The following LRRC69 variants were observed in gnomAD, a reference collection of about 807,000 sequenced individuals.
LRRC69 encodes leucine-rich repeat-containing protein 69.
Under a neutral mutation model 37.8 loss-of-function variants are expected in LRRC69, and 42 were observed. The ratio of observed to expected loss-of-function variants is 1.11; its 90% CI spans 0.87 to 1.44. The LOEUF (loss-of-function observed/expected upper bound fraction) is 1.44. LRRC69 is among the 40% of genes most tolerant of loss of function. The pLI is 0.00. For missense variants in LRRC69, 357 were observed against 401.9 expected (o/e 0.89, Z 0.96); for synonymous variants, 141 against 143.1 (o/e 0.99, Z 0.11).
chr8:91,134,130 G>C (rs552574747), intron 4 of LRRC69, among the ~76,000 whole-genome samples: 1 of 150,838 alleles, frequency 6.6e-6, no homozygotes, highest in Non-Finnish European at 1.5e-5. Flanking sequence ...GTTTCCTCTT[G>C]GATATGGCAG....
chr8:91,170,071 C>T (rs1175216227), intron 5 of LRRC69, among the ~76,000 whole-genome samples: 19 of 111,660 alleles, frequency 1.7e-4, no homozygotes, highest in East Asian at 4.9e-4. Context: ...ATGGTATTTC[C>T]AGTTCTAGAT....
chr8:91,148,124 C>T (rs542413530), intron 5 of LRRC69, among the ~76,000 whole-genome samples: 5 of 151,430 alleles, frequency 3.3e-5, no homozygotes, highest in Non-Finnish European at 1.5e-5. Context: ...GGTACATGTA[C>T]ACAACGTGCA....
intron 1 of LRRC69, among the ~76,000 whole-genome samples, chr8:91,112,637 G>C (rs1003392757): frequency 3.3e-5 from 5 of 151,978 alleles, no homozygotes; most frequent in African/African-American, 1.2e-4. Flanking sequence ...ATCATCATCA[G>C]TGGGGAAAAG....
chr8:91,176,687 C>T (rs4430056), intron 5 of LRRC69, among the ~76,000 whole-genome samples: 102,894 of 152,050 alleles, frequency 0.68, 35,299 homozygotes, highest in African/African-American at 0.74. Context: ...GCCTCAGTCC[C>T]AGTACAGGAG....
intron 5 of LRRC69, among the ~76,000 whole-genome samples, chr8:91,150,130 G>C (rs1308815267): frequency 6.6e-6 from 1 of 151,988 alleles, no homozygotes; most frequent in East Asian, 1.9e-4. Context: ...TGTTGAATAG[G>C]AGTGGTGAGA....
intron 1 of LRRC69, among the ~76,000 whole-genome samples, chr8:91,122,296 AT>A (rs2130498979): frequency 6.6e-6 from 1 of 151,960 alleles, no homozygotes; most frequent in East Asian, 1.9e-4. Flanking sequence ...TTTTGGACCA[AT>A]TTTTCCAGTA....
At chr8:91,106,375 A>C (rs938791898) in intron 1 of LRRC69, among the ~76,000 whole-genome samples, 1 of 152,020 alleles carries the variant, frequency 6.6e-6, no homozygotes, top group African/African-American at 2.4e-5. Flanking sequence ...CACAGAATGC[A>C]AAGTATTAAC....
intron 1 of LRRC69, among the ~76,000 whole-genome samples, chr8:91,121,749 T>C (rs1218381009): frequency 6.6e-6 from 1 of 152,130 alleles, no homozygotes; most frequent in Non-Finnish European, 1.5e-5. Context: ...TTACATGTCT[T>C]ATGCATGCAA....
intron 5 of LRRC69, among the ~76,000 whole-genome samples, chr8:91,156,858 AC>A (rs1808844980): frequency 6.6e-6 from 1 of 151,056 alleles, no homozygotes; most frequent in Admixed American, 6.6e-5. Context: ...TTTTCCCAGC[AC>A]CGTTTTTTGA....
intron 5 of LRRC69, among the ~76,000 whole-genome samples, chr8:91,139,526 CG>C (rs966041218): frequency 9.3e-3 from 1 of 108 alleles, no homozygotes; most frequent in African/African-American, 0.031. Flanking sequence ...CCGCCCACTT[CG>C]GCCCTCTCAA....
At chr8:91,199,477 G>A (rs1244335996) in intron 6 of LRRC69, among the ~76,000 whole-genome samples, 1 of 152,084 alleles carries the variant, frequency 6.6e-6, no homozygotes, top group Non-Finnish European at 1.5e-5. Flanking sequence ...CAATTTATAA[G>A]ATTTTGCTGT....
At chr8:91,148,130 G>A (rs956899830) in intron 5 of LRRC69, among the ~76,000 whole-genome samples, 10 of 151,088 alleles carry the variant, frequency 6.6e-5, no homozygotes, top group Admixed American at 4.0e-4. Flanking sequence ...TGTACACAAC[G>A]TGCAGGTTAG....
chr8:91,106,721 T>G (rs558740344), intron 1 of LRRC69, among the ~76,000 whole-genome samples: 1 of 152,130 alleles, frequency 6.6e-6, no homozygotes, highest in East Asian at 1.9e-4. Flanking sequence ...TTTATAGTTC[T>G]TAAAAACTGA....
chr8:91,114,455 G>GTGTGTGTGTA (rs142337818), intron 1 of LRRC69, among the ~76,000 whole-genome samples: 18,070 of 150,834 alleles, frequency 0.12, 2,520 homozygotes, highest in African/African-American at 0.32. Context: ...GTGTGTGTGT[G>GTGTGTGTGTA]TATATATATA....
intron 6 of LRRC69, among the ~76,000 whole-genome samples, chr8:91,196,423 A>C (rs1025495798): frequency 6.6e-6 from 1 of 151,816 alleles, no homozygotes; most frequent in Admixed American, 6.6e-5. Context: ...TCTCCTGGAT[A>C]ATATCCTGCA....
At chr8:91,161,132 C>A (rs1458145389) in intron 5 of LRRC69, among the ~76,000 whole-genome samples, 2 of 151,366 alleles carry the variant, frequency 1.3e-5, no homozygotes, top group African/African-American at 4.8e-5. Flanking sequence ...ATCCTTGAAT[C>A]CATGGCCTAA....
intron 5 of LRRC69, among the ~76,000 whole-genome samples, chr8:91,138,544 G>A (rs1359716778): frequency 1.4e-5 from 2 of 144,164 alleles, no homozygotes; most frequent in South Asian, 2.1e-4. Flanking sequence ...ATTTTTTTCA[G>A]AGCAGTATTT....
chr8:91,160,065 A>G (rs1808910577), intron 5 of LRRC69, among the ~76,000 whole-genome samples: 1 of 151,230 alleles, frequency 6.6e-6, no homozygotes, highest in Non-Finnish European at 1.5e-5. Context: ...AATTTCTTTT[A>G]GCAGTATTTT....
intron 5 of LRRC69, among the ~76,000 whole-genome samples, chr8:91,174,980 C>T (rs1809199438): frequency 6.6e-6 from 1 of 152,048 alleles, no homozygotes; most frequent in Non-Finnish European, 1.5e-5. Flanking sequence ...TGACATTTTG[C>T]AAAGGATAAT....
Sources: gnomAD v4.1 joint callset for allele counts (sites outside exome capture counted in the v4.1 genomes callset) on GRCh38, gnomAD v4.1.1 for gene constraint, MANE v1.5 for transcripts, NCBI Gene and HGNC (gene_info 2026-07-23, HGNC 2026-07-21) for gene names.